The following RAB30 variants were observed in gnomAD, a reference collection of about 807,000 sequenced individuals.
RAB30 encodes the protein RAB30, member RAS oncogene family, also known as ras-related protein Rab-30.
A neutral mutation model predicts 25.1 loss-of-function variants in RAB30; 9 were observed. That is an observed-to-expected ratio of 0.36 (90% CI 0.22 to 0.63). RAB30 has a LOEUF of 0.63. Ranked by LOEUF, RAB30 falls within the 20% of genes least tolerant of loss-of-function variation. RAB30 has a pLI of 0.69. For synonymous variants in RAB30, 77 were observed against 86.4 expected (o/e 0.89, Z 0.60); for missense variants, 140 against 243.5 (o/e 0.58, Z 2.83).
At position 82,977,874 on chromosome 11, in the gene RAB30, A is replaced by G. The variant is rs1047792419; in HGVS notation, c.*4291T>C. 3 of 152,194 alleles carry G rather than the reference A, an allele frequency of 2.0e-5. No individual in the cohort carries two copies. Among genetic ancestry groups the G allele is most frequent in the African/African-American group, 7.2e-5 (3 of 41,446 alleles). The allele number at this position is 152,194 out of a possible 1,614,324, so 9.4% of individuals were successfully genotyped here. On this transcript the variant is annotated 3_prime_UTR_variant, in exon 5 of 5. Transcript: ENST00000527633. Reference sequence around the variant, plus strand: ...CCCTTACTCTAATGTTGCTATATTAATATGTGTTTTGAAGGGATGATAATT... The same window carrying G: ...CCCTTACTCTAATGTTGCTATATTAGTATGTGTTTTGAAGGGATGATAATT...
At chr11:83,040,507 C>G (rs1858083486) in intron 1 of RAB30, among the ~76,000 whole-genome samples, 1 of 150,976 alleles carries the variant, frequency 6.6e-6, no homozygotes. Context: ...AGGAGAATTG[C>G]TTGAACCTGG....
chr11:83,040,360 G>T (rs1307995144), intron 1 of RAB30, among the ~76,000 whole-genome samples: 1 of 152,150 alleles, frequency 6.6e-6, no homozygotes, highest in Admixed American at 6.5e-5. Flanking sequence ...AGGCCGAGTT[G>T]GGTGGATCAC....
rs1285278204 is a variant in RAB30, at chr11:82,994,114, GA to G, written c.101del (p.Phe34SerfsTer14). 4 of 1,604,644 alleles carry G rather than the reference GA, an allele frequency of 2.5e-6. No individual in the cohort carries two copies. The highest frequency in any genetic ancestry group is 2.2e-5 in the South Asian group (2 of 90,634). ...CAATTGTGGCTCCTTGACCTGGGGGGAAAAGACCCTGAAGAAGAAATAATAG... is the reference window on the plus strand; with the variant it reads ...CAATTGTGGCTCCTTGACCTGGGGGGAAAGACCCTGAAGAAGAAATAATAG... ...CLVRRFTQGL[F>X]PPGQGATIGV... On this transcript the variant is annotated frameshift_variant, in exon 3 of 5. Coordinates refer to ENST00000527633, the MANE Select transcript of RAB30 (RefSeq NM_001286060.2). LOFTEE classifies it high-confidence loss of function.
rs375871564 is a variant in RAB30 at position 83,022,053 on chromosome 11, C to T, written c.-8-24729G>A. On this transcript the variant is annotated intron_variant, in intron 1 of 4. Transcript: ENST00000527633. The stretch of plus-strand genomic sequence containing the variant: ...TTGGTTTGATCACAAGTGAAAATCA[C>T]GGCTGTACGTATGCCTGACAATAGA... Among the ~76,000 whole-genome samples the T allele has an allele frequency of 2.4e-4, 37 of 151,774 alleles. 2 individuals carry two copies. The East Asian group carries it at 3.3e-3, about 14-fold the overall frequency.
At chr11:83,050,242 C>T (rs1858326762) in intron 1 of RAB30, among the ~76,000 whole-genome samples, 1 of 151,578 alleles carries the variant, frequency 6.6e-6, no homozygotes, top group Non-Finnish European at 1.5e-5. Flanking sequence ...GGCAACAGAG[C>T]AAGACCATGT....
At chr11:83,065,321 T>C (rs1483078378) in intron 1 of RAB30, among the ~76,000 whole-genome samples, 2 of 151,770 alleles carry the variant, frequency 1.3e-5, no homozygotes, top group Non-Finnish European at 2.9e-5. Flanking sequence ...GCCTAGGAGG[T>C]AGAGGTTGCA....
intron 1 of RAB30, among the ~76,000 whole-genome samples, chr11:83,025,994 G>T (rs936718202): frequency 6.6e-6 from 1 of 152,104 alleles, no homozygotes; most frequent in Non-Finnish European, 1.5e-5. Flanking sequence ...TTTGAGACCA[G>T]CCTAGGAAAC....
chr11:83,032,098 G>C (rs146921730), intron 1 of RAB30, among the ~76,000 whole-genome samples: 10 of 151,998 alleles, frequency 6.6e-5, no homozygotes, highest in African/African-American at 2.4e-4. Flanking sequence ...TCCAGTGTGT[G>C]CCCACACTAC....
chr11:82,996,079 C>T (rs1440962504), intron 2 of RAB30, among the ~76,000 whole-genome samples: 4 of 152,172 alleles, frequency 2.6e-5, no homozygotes, highest in African/African-American at 9.7e-5. Context: ...TGACTGAGCC[C>T]AGATGCCTAT....
At chr11:82,990,187 C>T (rs192009247) in intron 3 of RAB30, among the ~76,000 whole-genome samples, 1 of 152,362 alleles carries the variant, frequency 6.6e-6, no homozygotes, top group East Asian at 1.9e-4. Context: ...TGCACCACTA[C>T]TTAAACTCCA....
At chr11:83,055,739 C>T (rs532420009) in intron 1 of RAB30, among the ~76,000 whole-genome samples, 2 of 152,310 alleles carry the variant, frequency 1.3e-5, no homozygotes, top group African/African-American at 4.8e-5. Flanking sequence ...GGATTAGCAC[C>T]TTACAAAAAG....
Position 83,044,476 on chromosome 11 carries a change from G to T in RAB30, c.-9+27215C>A, listed in dbSNP as rs1235065549. 2.0e-5 allele frequency among the ~76,000 whole-genome samples: 3 copies of T among 152,028 alleles called. No individual in the cohort carries two copies. The South Asian group carries it at 6.2e-4, about 32-fold the overall frequency. On this transcript the variant is annotated intron_variant, in intron 1 of 4. Coordinates refer to ENST00000527633, the MANE Select transcript of RAB30 (RefSeq NM_001286060.2). ...CCACTTAGAGTGAATGGCAAACAAA[G>T]CCCATTCTCTATATAAAAAACAGTA...
In RAB30 at chr11:82,978,607, G is replaced by A. The variant is rs1013884339; in HGVS notation, c.*3558C>T. On this transcript the variant is annotated 3_prime_UTR_variant, in exon 5 of 5. Coordinates refer to ENST00000527633, the MANE Select transcript of RAB30 (RefSeq NM_001286060.2). ...AATTCAAACATCATTTACAACTGAC[G>A]TTTATTCAGTATGAGTCATGAACTG... 2.6e-5 allele frequency: 4 copies of A among 152,034 alleles called. No homozygotes were observed. The highest frequency in any genetic ancestry group is 2.1e-4 in the South Asian group (1 of 4,826). The allele number at this position is 152,034 out of a possible 1,614,324, so 9.4% of individuals were successfully genotyped here. A position where few individuals can be genotyped will look rare whatever the true frequency, so the allele number is the denominator to read the frequency against.
At chr11:83,069,046 C>T (rs374496077) in intron 1 of RAB30, among the ~76,000 whole-genome samples, 1 of 152,252 alleles carries the variant, frequency 6.6e-6, no homozygotes, top group East Asian at 1.9e-4. Flanking sequence ...TAGGTTGGGG[C>T]CAGATTATAG....
intron 1 of RAB30, among the ~76,000 whole-genome samples, chr11:83,053,555 G>C (rs1304771303): frequency 6.6e-6 from 1 of 151,526 alleles, no homozygotes. Context: ...TTAGTTGTGA[G>C]CATCTCCAAT....
At position 83,010,579 on chromosome 11, in the gene RAB30, A is replaced by G. The variant is rs369764169; in HGVS notation, c.-8-13255T>C. Among the ~76,000 whole-genome samples, 30 of 152,256 alleles carry G rather than the reference A, an allele frequency of 2.0e-4. No individual in the cohort carries two copies. In the East Asian group the frequency reaches 4.4e-3, roughly 22 times the overall value. On this transcript the variant is annotated intron_variant, in intron 1 of 4. Transcript: ENST00000527633. ...CTTTTCCAATGCACATTATTAAAAT[A>G]TCTTAGGGGCTCAATAGTGGGGAGG...
chr11:83,027,672 G>GA (rs927339459), intron 1 of RAB30, among the ~76,000 whole-genome samples: 9 of 151,686 alleles, frequency 5.9e-5, no homozygotes, highest in East Asian at 1.9e-4. Flanking sequence ...GGAACTAAAT[G>GA]AAAAAAAATA....
chr11:82,997,838 C>G lies in RAB30; in HGVS notation c.-8-514G>C, dbSNP rs147448977. ...TGCTTCTGGAAGTCTTAGGGTCTTA[C>G]AAATGGTAGTCATAGCCATCTTTCC... On this transcript the variant is annotated intron_variant, in intron 1 of 4. Coordinates refer to ENST00000527633, the MANE Select transcript of RAB30 (RefSeq NM_001286060.2). 2.0e-4 allele frequency among the ~76,000 whole-genome samples: 30 copies of G among 152,286 alleles called. 1 individual carries two copies. The highest frequency in any genetic ancestry group is 6.3e-4 in the African/African-American group (26 of 41,562).
chr11:83,000,551 T>C (rs549616341), intron 1 of RAB30, among the ~76,000 whole-genome samples: 164 of 152,294 alleles, frequency 1.1e-3, no homozygotes, highest in African/African-American at 3.6e-3. Flanking sequence ...CATAAGCCCA[T>C]AAGAAACAGG....
Sources: allele counts gnomAD v4.1 joint callset (sites outside exome capture counted in the v4.1 genomes callset), GRCh38; gene constraint gnomAD v4.1.1; transcripts MANE v1.5; gene names NCBI Gene and HGNC (gene_info 2026-07-23, HGNC 2026-07-21).